The following GRM7 variants were observed in gnomAD, a reference collection of about 807,000 sequenced individuals.
The protein encoded by GRM7 is metabotropic glutamate receptor 7.
Under a neutral mutation model 84.5 loss-of-function variants are expected in GRM7, and 35 were observed. The ratio of observed to expected loss-of-function variants is 0.41; its 90% CI spans 0.32 to 0.55. GRM7 has a LOEUF of 0.55. Among genes scored for constraint, GRM7 ranks in the 20% least tolerant of loss-of-function variants. The pLI is 0.19. For synonymous variants in GRM7, 487 were observed against 455.1 expected (o/e 1.07, Z -0.89); for missense variants, 1,003 against 1,194.6 (o/e 0.84, Z 2.36).
chr3:7,438,678 A>G (rs1697157805), intron 5 of GRM7, among the ~76,000 whole-genome samples: 2 of 152,188 alleles, frequency 1.3e-5, no homozygotes, highest in South Asian at 4.1e-4. Flanking sequence ...AAACAGCAAC[A>G]CCAAACCACC....
chr3:7,609,261 G>T (rs1315186408), intron 8 of GRM7, among the ~76,000 whole-genome samples: 1 of 152,160 alleles, frequency 6.6e-6, no homozygotes, highest in Non-Finnish European at 1.5e-5. Flanking sequence ...ACTGTTCTTA[G>T]AAATGATGTA....
intron 1 of GRM7, among the ~76,000 whole-genome samples, chr3:7,075,757 C>G (rs1476384781): frequency 6.6e-6 from 1 of 152,054 alleles, no homozygotes; most frequent in Non-Finnish European, 1.5e-5. Context: ...AACTCCTGAC[C>G]TCAGGTGATC....
chr3:7,718,186 C>T (rs183837951), intron 9 of GRM7, among the ~76,000 whole-genome samples: 102 of 152,296 alleles, frequency 6.7e-4, no homozygotes, highest in African/African-American at 2.3e-3. Context: ...GCAGTCTGTG[C>T]ATAGCACTTA....
intron 7 of GRM7, among the ~76,000 whole-genome samples, chr3:7,536,708 T>C (rs369766740): frequency 6.6e-6 from 1 of 152,192 alleles, no homozygotes; most frequent in Non-Finnish European, 1.5e-5. Flanking sequence ...TTGGCTCATA[T>C]TGGCCTCCTG....
chr3:7,550,364 C>T (rs1693391958), intron 7 of GRM7, among the ~76,000 whole-genome samples: 1 of 141,596 alleles, frequency 7.1e-6, no homozygotes, highest in East Asian at 2.2e-4. Flanking sequence ...CTCCCTCCTT[C>T]CTTCCTTTCT....
Position 6,900,695 on chromosome 3 carries a change from C to A in GRM7, c.519+38788C>A, listed in dbSNP as rs182650917. Among the ~76,000 whole-genome samples, 380 of 152,196 alleles carry A rather than the reference C, an allele frequency of 2.5e-3. 2 individuals carry two copies. The highest frequency in any genetic ancestry group is 8.6e-3 in the African/African-American group (357 of 41,526). The stretch of plus-strand genomic sequence containing the variant: ...AAGAGAGAAGAAGCTTATAGAGAGA[C>A]CGAAAGGGTTCTTTTAAGGATATAT... On this transcript the variant is annotated intron_variant, in intron 1 of 9. Transcript: ENST00000357716.
At chr3:7,002,234 G>C (rs903852837) in intron 1 of GRM7, among the ~76,000 whole-genome samples, 2 of 152,118 alleles carry the variant, frequency 1.3e-5, no homozygotes, top group African/African-American at 2.4e-5. Flanking sequence ...GAATCAAACA[G>C]ACCTGCCACA....
At chr3:7,312,943 T>C (rs578181549) in intron 4 of GRM7, among the ~76,000 whole-genome samples, 10,486 of 149,086 alleles carry the variant, frequency 0.07, 1,006 homozygotes, top group African/African-American at 0.22. Context: ...TTTCTTTTTT[T>C]TTTTTTTTTT....
intron 9 of GRM7, chr3:7,681,627 A>G (rs2125142176): frequency 6.6e-6 from 1 of 152,316 alleles, no homozygotes; most frequent in Non-Finnish European, 1.5e-5. Flanking sequence ...AGAATGAATG[A>G]TATAGGCTCT....
At chr3:7,549,738 C>G (rs1693352198) in intron 7 of GRM7, among the ~76,000 whole-genome samples, 1 of 152,184 alleles carries the variant, frequency 6.6e-6, no homozygotes, top group Non-Finnish European at 1.5e-5. Flanking sequence ...TCACAAGTGA[C>G]AGTGAGGCCA....
chr3:7,235,290 C>G (rs1697314853), intron 2 of GRM7, among the ~76,000 whole-genome samples: 1 of 152,180 alleles, frequency 6.6e-6, no homozygotes, highest in African/African-American at 2.4e-5. Context: ...CTATAAATAG[C>G]ATTTTTCAGC....
At chr3:7,557,625 G>A (rs1298296142) in intron 7 of GRM7, among the ~76,000 whole-genome samples, 5 of 152,050 alleles carry the variant, frequency 3.3e-5, no homozygotes, top group African/African-American at 1.2e-4. Flanking sequence ...AAGATGTAGT[G>A]ACTGGCTTAA....
intron 1 of GRM7, among the ~76,000 whole-genome samples, chr3:7,045,560 T>G (rs551766842): frequency 6.6e-6 from 1 of 152,284 alleles, no homozygotes; most frequent in African/African-American, 2.4e-5. Flanking sequence ...AAACCTCCGA[T>G]AAGCACCATT....
At chr3:6,973,282 T>C (rs1407387320) in intron 1 of GRM7, among the ~76,000 whole-genome samples, 1 of 152,134 alleles carries the variant, frequency 6.6e-6, no homozygotes, top group Non-Finnish European at 1.5e-5. Flanking sequence ...TCCTTCTTTC[T>C]TTCATTGAGC....
In GRM7 at chr3:7,151,194, C is replaced by G. The variant is rs1694278247; in HGVS notation, c.736+4526C>G. On this transcript the variant is annotated intron_variant, in intron 2 of 9. Transcript: ENST00000357716. The surrounding 1 kb of genome is among the most constrained non-coding windows in gnomAD (Gnocchi z 4.5). Reference sequence around the variant, plus strand: ...AATACTTAGAGGAAGATTTGATTAACTGTTATTAACTGTTATTCAGCCTTC... The same window carrying G: ...AATACTTAGAGGAAGATTTGATTAAGTGTTATTAACTGTTATTCAGCCTTC... Among the ~76,000 whole-genome samples the G allele has an allele frequency of 1.3e-5, 2 of 152,172 alleles. No homozygotes were observed. Among genetic ancestry groups the G allele is most frequent in the South Asian group, 4.2e-4 (2 of 4,806 alleles).
At chr3:7,063,135 T>C (rs17824866) in intron 1 of GRM7, among the ~76,000 whole-genome samples, 31,753 of 151,672 alleles carry the variant, frequency 0.21, 3,477 homozygotes, top group Middle Eastern at 0.23. Flanking sequence ...TGTTGCCTAA[T>C]GTTAAAGATA....
chr3:6,868,928 A>C (rs1559295432), intron 1 of GRM7, among the ~76,000 whole-genome samples: 1 of 152,132 alleles, frequency 6.6e-6, no homozygotes. Flanking sequence ...TTGTCATTCC[A>C]CGGCTGCTGA....
chr3:7,298,241 GA>G (rs1699878007), intron 2 of GRM7, among the ~76,000 whole-genome samples: 2 of 152,174 alleles, frequency 1.3e-5, no homozygotes, highest in South Asian at 2.1e-4. Flanking sequence ...GGTATAAAGG[GA>G]AAAAATTCTG....
At chr3:7,323,048 G>T (rs755120632) in intron 4 of GRM7, among the ~76,000 whole-genome samples, 5 of 152,030 alleles carry the variant, frequency 3.3e-5, no homozygotes, top group Non-Finnish European at 7.4e-5. Context: ...CTGGAGTCTC[G>T]CTTCCCCCTG....
Sources: allele counts gnomAD v4.1 joint callset (sites outside exome capture counted in the v4.1 genomes callset), GRCh38; gene constraint gnomAD v4.1.1; non-coding constraint Gnocchi (gnomAD v3.1); transcripts MANE v1.5; gene names NCBI Gene and HGNC (gene_info 2026-07-23, HGNC 2026-07-21).